Variants in ADGRL2 observed in about 807,000 individuals in gnomAD.
The protein encoded by ADGRL2 is calcium-independent alpha-latrotoxin receptor 2.
ADGRL2 carries 44 observed loss-of-function variants against 157.4 expected under a neutral mutation model. The observed-to-expected ratio is 0.28, with a 90% CI of 0.22 to 0.36. The LOEUF is 0.36. Among genes scored for constraint, ADGRL2 ranks in the 10% least tolerant of loss-of-function variants. ADGRL2 has a pLI of 1.00. For missense variants in ADGRL2, 1,510 were observed against 1,768.9 expected, an observed-to-expected ratio of 0.85 and a Z score of 2.63; for synonymous variants, 585 against 624.7, an observed-to-expected ratio of 0.94 and a Z score of 0.95.
intron 1 of ADGRL2, among the ~76,000 whole-genome samples, chr1:81,701,819 A>G (rs915250392): frequency 1.3e-5 from 2 of 152,236 alleles, no homozygotes; most frequent in African/African-American, 2.4e-5. Flanking sequence ...CCAGATAGAT[A>G]CAGTCTCTGC....
intron 3 of ADGRL2, among the ~76,000 whole-genome samples, chr1:81,592,630 G>A (rs1160044788): frequency 1.3e-5 from 2 of 152,154 alleles, no homozygotes; most frequent in Non-Finnish European, 2.9e-5. Context: ...TATTGAGGGA[G>A]TGCTTTCGGA....
At chr1:81,557,562 G>A (rs1324592088) in intron 2 of ADGRL2, 5 of 152,004 alleles carry the variant, frequency 3.3e-5, no homozygotes, top group African/African-American at 1.2e-4. Context: ...GAAAGAAAGA[G>A]CATTCTGTCT....
At chr1:81,766,846 GGAA>G (rs377636461) in intron 2 of ADGRL2, among the ~76,000 whole-genome samples, 3 of 55,266 alleles carry the variant, frequency 5.4e-5, no homozygotes, top group African/African-American at 2.8e-4. Context: ...AAAAAAAAAA[GGAA>G]AAAAAAAAAA....
At chr1:81,884,137 G>A (rs928860204) in intron 2 of ADGRL2, among the ~76,000 whole-genome samples, 17 of 151,824 alleles carry the variant, frequency 1.1e-4, no homozygotes, top group Admixed American at 8.5e-4. Flanking sequence ...AGGCATGTGC[G>A]ACAACTCCCA....
At chr1:81,343,243 C>T (rs1230886281) in intron 1 of ADGRL2, among the ~76,000 whole-genome samples, 1 of 151,686 alleles carries the variant, frequency 6.6e-6, no homozygotes, top group Non-Finnish European at 1.5e-5. Flanking sequence ...GCACGTGCCA[C>T]CACGCCAAGC....
rs879518049 is a variant in ADGRL2, at chr1:81,990,871, A to G, written c.4136A>G (p.Asp1379Gly). The change falls in exon 24 of 24, where the codon GAC (aspartate) becomes GGC (glycine). Residue 1379 changes from aspartate (D) to glycine (G), a missense_variant. Around this residue, in one of 4 missense-constraint regions of ADGRL2, gnomAD observed 327 missense variants for 310.1 expected, o/e 1.05. Coordinates refer to ENST00000686636, the MANE Select transcript of ADGRL2 (RefSeq NM_001366006.2). ...GATCACCTACAGTCCCCCAACAGAGACTCTCTTTATACAAGCATGCCCAAT... is the reference window on the plus strand; with the variant it reads ...GATCACCTACAGTCCCCCAACAGAGGCTCTCTTTATACAAGCATGCCCAAT... Reference protein sequence around the residue: ...AEDHLQSPNRDSLYTSMPNLR... With the variant: ...AEDHLQSPNRGSLYTSMPNLR... The G allele has an allele frequency of 5.6e-6, 9 of 1,613,632 alleles. No homozygotes were observed. The highest frequency in any genetic ancestry group is 1.3e-5 in the African/African-American group (1 of 74,770).
chr1:81,955,726 C>T (rs1390313731), intron 10 of ADGRL2, 151 bp from the exon 11 acceptor site: 2 of 483,448 alleles, frequency 4.1e-6, no homozygotes, highest in Non-Finnish European at 3.7e-6. Context: ...TTAAAATGGA[C>T]CAGATATATG....
At chr1:81,791,515 G>C in intron 2 of ADGRL2, among the ~76,000 whole-genome samples, 1 of 152,016 alleles carries the variant, frequency 6.6e-6, no homozygotes, top group East Asian at 1.9e-4. Context: ...GAAATCTGTT[G>C]ATAGGAGGGG....
intron 1 of ADGRL2, among the ~76,000 whole-genome samples, chr1:81,378,592 G>C (rs911561943): frequency 1.1e-4 from 15 of 136,976 alleles, no homozygotes; most frequent in Middle Eastern, 3.8e-3. Context: ...AAAAAGCCCC[G>C]GTTCAAACTG....
At chr1:81,908,930 A>G (rs2094645893) in intron 3 of ADGRL2, among the ~76,000 whole-genome samples, 1 of 149,532 alleles carries the variant, frequency 6.7e-6, no homozygotes, top group African/African-American at 2.5e-5. Context: ...GCTGGAGTAC[A>G]GCGGCGTGAT....
At chr1:81,766,601 C>A (rs376109169) in intron 2 of ADGRL2, among the ~76,000 whole-genome samples, 1 of 151,868 alleles carries the variant, frequency 6.6e-6, no homozygotes, top group Admixed American at 6.6e-5. Flanking sequence ...GAGGCCGAAG[C>A]GGGCAGATCA....
chr1:81,521,357 A>G (rs2079310152), intron 2 of ADGRL2, among the ~76,000 whole-genome samples: 2 of 152,226 alleles, frequency 1.3e-5, no homozygotes, highest in African/African-American at 4.8e-5. Flanking sequence ...TATGTTAAAC[A>G]GGATAAAATT....
chr1:81,828,996 C>T (rs1199543991), intron 1 of ADGRL2, among the ~76,000 whole-genome samples: 1 of 151,972 alleles, frequency 6.6e-6, no homozygotes, highest in Non-Finnish European at 1.5e-5. Flanking sequence ...ACTGCAACCT[C>T]CTCCTCCTGG....
intron 1 of ADGRL2, among the ~76,000 whole-genome samples, chr1:81,820,744 A>T (rs2090906203): frequency 6.6e-6 from 1 of 152,034 alleles, no homozygotes; most frequent in Non-Finnish European, 1.5e-5. Flanking sequence ...CTGAAAAAAA[A>T]AAACAAAAAA....
At chr1:81,595,941 C>CAGCT (rs1001265266) in intron 3 of ADGRL2, among the ~76,000 whole-genome samples, 2 of 152,054 alleles carry the variant, frequency 1.3e-5, no homozygotes, top group Non-Finnish European at 2.9e-5. Flanking sequence ...GGTTCATAGG[C>CAGCT]AGCTGTCTTC....
intron 1 of ADGRL2, among the ~76,000 whole-genome samples, chr1:81,397,357 G>C (rs1020931921): frequency 9.5e-6 from 1 of 105,272 alleles, no homozygotes; most frequent in Non-Finnish European, 1.7e-5. Context: ...GTCTTGCTCT[G>C]TTGCACAGGC....
At position 81,950,200 on chromosome 1, in the gene ADGRL2, G is replaced by A. The variant is rs761410106; in HGVS notation, c.1222G>A (p.Ala408Thr). Reference protein sequence around the residue: ...PPDPAQVPTTAVTITSSAELF... With the variant: ...PPDPAQVPTTTVTITSSAELF... Reference sequence around the variant, plus strand: ...TCTTTTTTCCATAGTGCCTACCACAGCTGTGACAATAACTTCTTCAGCTGA... The same window carrying A: ...TCTTTTTTCCATAGTGCCTACCACAACTGTGACAATAACTTCTTCAGCTGA... Residue 408 changes from alanine (A) to threonine (T), a missense_variant, in exon 7 of 24, where the codon GCT becomes ACT. By Grantham distance (58) the Ala-to-Thr change is moderately conservative. This residue lies in a region of ADGRL2 where 325 missense variants were observed against 333.2 expected (regional missense o/e 0.98). Coordinates refer to ENST00000686636, the MANE Select transcript of ADGRL2 (RefSeq NM_001366006.2). 2 of 1,613,824 alleles carry A rather than the reference G, an allele frequency of 1.2e-6. No homozygotes were observed. The highest frequency in any genetic ancestry group is 3.3e-5 in the Admixed American group (2 of 60,000).
At chr1:81,334,309 G>A (rs1038697327) in intron 1 of ADGRL2, among the ~76,000 whole-genome samples, 4 of 152,182 alleles carry the variant, frequency 2.6e-5, no homozygotes, top group African/African-American at 9.6e-5. Context: ...ATTCAATAAT[G>A]TGTATATTAC....
intron 1 of ADGRL2, among the ~76,000 whole-genome samples, chr1:81,436,269 C>T (rs531739353): frequency 7.9e-5 from 12 of 152,156 alleles, no homozygotes; most frequent in Non-Finnish European, 1.5e-4. Context: ...ACGTACTTGC[C>T]GACGACATCA....
Sources: allele counts gnomAD v4.1 joint callset (sites outside exome capture counted in the v4.1 genomes callset), GRCh38; gene constraint gnomAD v4.1.1; regional missense constraint gnomAD v4.1.1; transcripts MANE v1.5; gene names NCBI Gene and HGNC (gene_info 2026-07-23, HGNC 2026-07-21).